Variants in LYPD8 observed in about 807,000 individuals in gnomAD.
LYPD8 encodes the protein ly6/PLAUR domain-containing protein 8.
A neutral mutation model predicts 1.7 loss-of-function variants in LYPD8; 8 were observed. The observed-to-expected ratio is 4.58, with a 90% CI of 2.69 to 8.27. The LOEUF is 8.27. LYPD8 is among the 30% of genes most tolerant of loss of function. LYPD8 has a pLI of 0.00. For missense variants in LYPD8, 112 were observed against 102.3 expected (o/e 1.09, Z -0.41); for synonymous variants, 50 against 43.6 (o/e 1.15, Z -0.58).
At position 248,748,346 on chromosome 1, in the gene LYPD8, G is replaced by T. The variant is rs889180081; in HGVS notation, c.280C>A (p.His94Asn). The T allele has an allele frequency of 1.1e-4, 51 of 465,284 alleles. No homozygotes were observed. The highest frequency in any genetic ancestry group is 1.8e-4 in the Non-Finnish European group (47 of 266,788). The allele number at this position is 465,284 out of a possible 1,614,324, so 28.8% of individuals were successfully genotyped here. ...TVHVSAEEHFHFVSQCCQGKE... is the reference protein window; with the variant it reads ...TVHVSAEEHFNFVSQCCQGKE... ...CCTTGGCAGCACTGGCTTACAAAAT[G>T]AAAGTGTTCTTCAGCAGACACGTGG... The change falls in exon 5 of 7, where the codon CAT becomes AAT. Residue 94 changes from histidine (H) to asparagine (N), a missense_variant. Physicochemically the swap from His to Asn is moderately conservative, Grantham distance 68. Coordinates refer to ENST00000590317, the MANE Select transcript of LYPD8 (RefSeq NM_001085474.2).
At chr1:248,741,016 A>G (rs2103165073) in intron 6 of LYPD8, among the ~76,000 whole-genome samples, 1 of 152,228 alleles carries the variant, frequency 6.6e-6, no homozygotes, top group Middle Eastern at 3.4e-3. Context: ...TTGGAGGCTG[A>G]GATGGGAGAT....
Position 248,748,354 on chromosome 1 carries a change from T to C in LYPD8, c.272A>G (p.Glu91Gly), listed in dbSNP as rs1662745641. ...GCACTGGCTTACAAAATGAAAGTGT[T>C]CTTCAGCAGACACGTGGACAGTGAA... ...TAFTVHVSAE[E>G]HFHFVSQCCQ... is the part of the protein sequence containing the mutation. Residue 91 changes from glutamate to glycine, a missense_variant, in exon 5 of 7, where the codon GAA becomes GGA. By Grantham distance (98) the Glu-to-Gly change is moderately conservative (BLOSUM62 -2). Coordinates refer to ENST00000590317, the MANE Select transcript of LYPD8 (RefSeq NM_001085474.2). 2 of 463,690 alleles carry C rather than the reference T, an allele frequency of 4.3e-6. No individual in the cohort carries two copies. The highest frequency in any genetic ancestry group is 8.7e-5 in the Admixed American group (2 of 22,972). 28.7% of individuals were successfully genotyped at this position (463,690 alleles called of 1,614,324 possible).
chr1:248,745,222 T>C lies in LYPD8; in HGVS notation c.395A>G (p.Asn132Ser), dbSNP rs1662710221. 7.5e-6 allele frequency: 3 copies of C among 398,460 alleles called. No individual in the cohort carries two copies. Among genetic ancestry groups the C allele is most frequent in the Admixed American group, 8.8e-5 (2 of 22,714 alleles). The allele number at this position is 398,460 out of a possible 1,614,324, so 24.7% of individuals were successfully genotyped here. A position where few individuals can be genotyped will look rare whatever the true frequency, so the allele number is the denominator to read the frequency against. Residue 132 changes from asparagine to serine, a missense_variant, in exon 6 of 7, where the codon AAT becomes AGT. By Grantham distance (46) the Asn-to-Ser change is conservative. Transcript: ENST00000590317. ...NAECPACYESNGTSCHGKPWK... is the reference protein window; with the variant it reads ...NAECPACYESSGTSCHGKPWK... The stretch of plus-strand genomic sequence containing the variant: ...GGGCTTCCCATGACAGGAAGTTCCA[T>C]TAGATTCATAACAAGCAGGGCACTC...
rs1019014915 is a variant in LYPD8 at position 248,745,117 on chromosome 1, G to A, written c.475+25C>T. The A allele has an allele frequency of 9.9e-4, 395 of 398,434 alleles. 2 individuals carry two copies. Among genetic ancestry groups the A allele is most frequent in the African/African-American group, 7.3e-3 (354 of 48,730 alleles). The allele number at this position is 398,434 out of a possible 1,614,324, so 24.7% of individuals were successfully genotyped here. A position where few individuals can be genotyped will look rare whatever the true frequency, so the allele number is the denominator to read the frequency against. On this transcript the variant is annotated intron_variant, in intron 6 of 6. Transcript: ENST00000590317. ...ACATGTTTCCAGCCCAAGTCCCATA[G>A]AGGAATTAGAACTCCAAGACTTACC...
chr1:248,749,004 T>C (rs1431033961), intron 4 of LYPD8, among the ~76,000 whole-genome samples: 1 of 152,238 alleles, frequency 6.6e-6, no homozygotes, highest in African/African-American at 2.4e-5. Context: ...GACTACAGTA[T>C]GGCACAGTGT....
At chr1:248,752,847 A>ACCC (rs1662835268) in intron 2 of LYPD8, among the ~76,000 whole-genome samples, 1 of 111,474 alleles carries the variant, frequency 9.0e-6, no homozygotes, top group Non-Finnish European at 1.8e-5. Context: ...CCCCACACAC[A>ACCC]CACACCACAC....
rs782461393 is a variant in LYPD8, at chr1:248,739,632, A to G, written c.693T>C (p.Leu231=). 9.0e-5 allele frequency: 140 copies of G among 1,551,504 alleles called. No individual in the cohort carries two copies. Among genetic ancestry groups the G allele is most frequent in the Non-Finnish European group, 1.2e-4 (138 of 1,146,992 alleles). The part of the protein sequence containing the change: ...SLYLLALASL[L]LRGLLP ...GACCTCAGGGCAGCAGTCCCCGAAG[A>G]AGGAGGCTGGCAAGGGCCAAGAGGT... Residue 231 remains leucine (L), a synonymous_variant, in exon 7 of 7, where the codon CTT becomes CTC. Transcript: ENST00000590317. This position sits in a 1 kb window ranked among gnomAD's most constrained non-coding sequence, Gnocchi z 4.3.
intron 2 of LYPD8, among the ~76,000 whole-genome samples, chr1:248,751,930 C>T (rs1662807915): frequency 6.6e-6 from 1 of 152,060 alleles, no homozygotes; most frequent in Non-Finnish European, 1.5e-5. Context: ...TGAGTTAGGC[C>T]TTTGAGGATT....
At chr1:248,752,822 A>AACACACC (rs1558208709) in intron 2 of LYPD8, among the ~76,000 whole-genome samples, 1 of 73,632 alleles carries the variant, frequency 1.4e-5, no homozygotes, top group South Asian at 4.3e-4. Context: ...CACACATCAC[A>AACACACC]TCACACACAC....
chr1:248,751,545 G>C (rs1239529480), intron 2 of LYPD8, among the ~76,000 whole-genome samples: 1 of 152,030 alleles, frequency 6.6e-6, no homozygotes, highest in Non-Finnish European at 1.5e-5. Flanking sequence ...TACACTTAAG[G>C]GTTCTGTTGC....
At chr1:248,753,075 ACCCC>A (rs1662847428) in intron 2 of LYPD8, among the ~76,000 whole-genome samples, 1 of 68,488 alleles carries the variant, frequency 1.5e-5, no homozygotes, top group Non-Finnish European at 2.8e-5. Context: ...CACCCCACAC[ACCCC>A]ACACCACACT....
Position 248,746,591 on chromosome 1 carries a change from ACGGC to A in LYPD8, c.338-1316_338-1313del, listed in dbSNP as rs1662730764. On this transcript the variant is annotated intron_variant, in intron 5 of 6. Transcript: ENST00000590317. Reference sequence around the variant, plus strand: ...AGCACCCACCCAGGGCATCGCCCGCACGGCCAGCACCCACCCAGGGCATCCCCCG... The same window carrying A: ...AGCACCCACCCAGGGCATCGCCCGCACAGCACCCACCCAGGGCATCCCCCG... 1.1e-3 allele frequency among the ~76,000 whole-genome samples: 160 copies of A among 149,606 alleles called. 1 individual carries two copies. Among genetic ancestry groups the A allele is most frequent in the Middle Eastern group, 6.9e-3 (2 of 290 alleles).
Position 248,748,447 on chromosome 1 carries a change from G to T in LYPD8, c.179C>A (p.Pro60Gln). The part of the protein sequence containing the change: ...SSSASSSLET[P>Q]VRLYQNMFCS... ...GAACATATTCTGGTATAATCTGACT[G>T]GTGTCTCTACACAAAGACAAACACA... is the stretch of plus-strand genomic sequence containing the variant. The change falls in exon 5 of 7, where the codon CCA becomes CAA. Residue 60 changes from proline to glutamine, a missense_variant. Transcript: ENST00000590317. The T allele has an allele frequency of 2.5e-6, 1 of 407,778 alleles. No individual in the cohort carries two copies. Among genetic ancestry groups the T allele is most frequent in the Non-Finnish European group, 4.3e-6 (1 of 232,470 alleles). The allele number at this position is 407,778 out of a possible 1,614,324, so 25.3% of individuals were successfully genotyped here. A position where few individuals can be genotyped will look rare whatever the true frequency, so the allele number is the denominator to read the frequency against.
rs1662897338 is a variant in LYPD8, at chr1:248,754,831, C to T, written c.-50+408G>A. 3.9e-5 allele frequency among the ~76,000 whole-genome samples: 6 copies of T among 152,194 alleles called. No homozygotes were observed. The South Asian group carries it at 1.2e-3, about 32-fold the overall frequency. On this transcript the variant is annotated intron_variant, in intron 2 of 6. Transcript: ENST00000590317. ...GCGCCAGCCCCTCACCCCTCCAGGC[C>T]CGGTGCACCCCTACATGCCCGGGTG...
At chr1:248,742,283 CG>C (rs1192433565) in intron 6 of LYPD8, among the ~76,000 whole-genome samples, 3 of 49,796 alleles carry the variant, frequency 6.0e-5, no homozygotes, top group African/African-American at 1.8e-4. Flanking sequence ...ATGTTGGCAG[CG>C]GGGGAGATTA....
intron 2 of LYPD8, 30 bp from the exon 3 acceptor site, chr1:248,751,160 G>A (rs1662795409): frequency 5.0e-6 from 2 of 398,310 alleles, no homozygotes. Flanking sequence ...GCAGCCCCGG[G>A]GCCTTGGAGG....
At chr1:248,749,807 G>A (rs1662765193) in intron 4 of LYPD8, among the ~76,000 whole-genome samples, 1 of 152,068 alleles carries the variant, frequency 6.6e-6, no homozygotes, top group Non-Finnish European at 1.5e-5. Flanking sequence ...GAGATAAATA[G>A]TGAAGTATTT....
chr1:248,750,434 C>T (rs1662781552), intron 4 of LYPD8, 90 bp downstream of exon 4: 1 of 397,618 alleles, frequency 2.5e-6, no homozygotes, highest in Non-Finnish European at 4.4e-6. Flanking sequence ...ACGACCCCTT[C>T]TCTGCCTTTC....
At chr1:248,745,956 G>C (rs1662721058) in intron 5 of LYPD8, among the ~76,000 whole-genome samples, 1 of 152,106 alleles carries the variant, frequency 6.6e-6, no homozygotes, top group South Asian at 2.1e-4. Context: ...TTTCCCAGAG[G>C]CTCCATGATG....
Sources: allele counts gnomAD v4.1 joint callset (sites outside exome capture counted in the v4.1 genomes callset), GRCh38; gene constraint gnomAD v4.1.1; non-coding constraint Gnocchi (gnomAD v3.1); transcripts MANE v1.5; gene names NCBI Gene and HGNC (gene_info 2026-07-23, HGNC 2026-07-21).